Variants in DPYS observed in about 807,000 individuals in gnomAD.
DPYS encodes dihydropyrimidine amidohydrolase.
DPYS carries 39 observed loss-of-function variants against 50.3 expected under a neutral mutation model. The ratio of observed to expected loss-of-function variants is 0.78; its 90% CI spans 0.60 to 1.01. The LOEUF is 1.01. DPYS is among the 50% of genes least tolerant of loss of function. The pLI is 0.00. For synonymous variants in DPYS, 245 were observed against 250.7 expected (o/e 0.98, Z 0.22); for missense variants, 659 against 680.9 (o/e 0.97, Z 0.36).
rs182926301 is a variant in DPYS, at chr8:104,435,071, G to A, written c.794-5370C>T. ...ATGAGCCTACAGGTTCTACTGGGAAGTACAAAGGTGAAGTGAACAATGCAT... is the reference window on the plus strand; with the variant it reads ...ATGAGCCTACAGGTTCTACTGGGAAATACAAAGGTGAAGTGAACAATGCAT... On this transcript the variant is annotated intron_variant, in intron 4 of 9. Transcript: ENST00000351513. Among the ~76,000 whole-genome samples the A allele has an allele frequency of 1.1e-3, 171 of 152,296 alleles. 1 individual carries two copies. Among genetic ancestry groups the A allele is most frequent in the Admixed American group, 0.01 (160 of 15,296 alleles).
intron 7 of DPYS, among the ~76,000 whole-genome samples, chr8:104,393,756 A>T (rs1404472432): frequency 6.6e-6 from 1 of 152,208 alleles, no homozygotes. Flanking sequence ...AAAAGAAAAA[A>T]ATCTGGCAGC....
rs144144705 is a variant in DPYS, at chr8:104,435,759, T to C, written c.794-6058A>G. The stretch of plus-strand genomic sequence containing the variant: ...GGATGCACTGAATATTGCCCACCTC[T>C]TCTTTCCCAGTTCACAAAAAAATCC... On this transcript the variant is annotated intron_variant, in intron 4 of 9. Transcript: ENST00000351513. Among the ~76,000 whole-genome samples the C allele has an allele frequency of 2.8e-3, 429 of 152,254 alleles. 2 individuals are homozygous for C. Among genetic ancestry groups the C allele is most frequent in the Middle Eastern group, 0.017 (5 of 294 alleles).
At chr8:104,432,598 T>C (rs1199879844) in intron 4 of DPYS, among the ~76,000 whole-genome samples, 2 of 152,156 alleles carry the variant, frequency 1.3e-5, no homozygotes, top group Non-Finnish European at 2.9e-5. Context: ...AAACATTACA[T>C]TTACAAAGGA....
intron 4 of DPYS, among the ~76,000 whole-genome samples, chr8:104,442,306 A>G (rs1813382536): frequency 6.6e-6 from 1 of 152,222 alleles, no homozygotes; most frequent in East Asian, 1.9e-4. Flanking sequence ...ATTCTATCCC[A>G]ATGCAAAACA....
chr8:104,453,415 C>A (rs1193554149), intron 1 of DPYS, among the ~76,000 whole-genome samples: 1 of 152,196 alleles, frequency 6.6e-6, no homozygotes, highest in Non-Finnish European at 1.5e-5. Flanking sequence ...GACAAGACAT[C>A]CCTTGAGGAT....
intron 1 of DPYS, among the ~76,000 whole-genome samples, chr8:104,461,305 A>AAAATAAAATG (rs1814157254): frequency 6.7e-6 from 1 of 149,132 alleles, no homozygotes; most frequent in Non-Finnish European, 1.5e-5. Flanking sequence ...AAAATAAAAT[A>AAAATAAAATG]AAATAAAATA....
At chr8:104,447,604 A>G in intron 2 of DPYS, 101 bp from the exon 3 acceptor site, 1 of 1,312,194 alleles carries the variant, frequency 7.6e-7, no homozygotes, top group African/African-American at 1.5e-5. Context: ...ACTAAGTAAA[A>G]TAAGGAAAAT....
At position 104,401,089 on chromosome 8, in the gene DPYS, C is replaced by T. The variant is rs574503084; in HGVS notation, c.1236-8098G>A. Among the ~76,000 whole-genome samples the T allele has an allele frequency of 4.6e-5, 7 of 152,136 alleles. No homozygotes were observed. In the East Asian group the frequency reaches 7.7e-4, roughly 17 times the overall value. On this transcript the variant is annotated intron_variant, in intron 7 of 9. Coordinates refer to ENST00000351513, the MANE Select transcript of DPYS (RefSeq NM_001385.3). ...TGTTTTAGGTATTCTGTTATATTCTCTCCCACTCAGGCACTTTGGCCTTGG... is the reference window on the plus strand; with the variant it reads ...TGTTTTAGGTATTCTGTTATATTCTTTCCCACTCAGGCACTTTGGCCTTGG...
intron 7 of DPYS, among the ~76,000 whole-genome samples, chr8:104,395,469 C>T (rs77339795): frequency 0.013 from 1,981 of 152,298 alleles, 54 homozygotes; most frequent in African/African-American, 0.045. Flanking sequence ...TAGTCACGCC[C>T]TCCCCCAATC....
At chr8:104,451,475 A>G in intron 1 of DPYS, 71 bp from the exon 2 acceptor site, 2 of 1,599,368 alleles carry the variant, frequency 1.3e-6, no homozygotes, top group Non-Finnish European at 1.7e-6. Flanking sequence ...ATCTTGAACA[A>G]TGTGCATTTG....
At chr8:104,392,751 A>T in intron 8 of DPYS, 33 bp downstream of exon 8, 1 of 1,612,688 alleles carries the variant, frequency 6.2e-7, no homozygotes, top group South Asian at 1.1e-5. Flanking sequence ...AGACAGTCCG[A>T]CTTGTGGCAG....
chr8:104,392,871 C>A lies in DPYS; in HGVS notation c.1356G>T (p.Val452=). The change falls in exon 8 of 10, where the codon GTG becomes GTT. Residue 452 remains valine, a synonymous_variant. Transcript: ENST00000351513. ...TCCCATCTCCTGCCGTGACACTGAA[C>A]ACTCCGGCTTCATATACCACTTTGC... The part of the protein sequence containing the change: ...SRGKVVYEAG[V]FSVTAGDGKF... 2.5e-6 allele frequency: 4 copies of A among 1,614,206 alleles called. No individual in the cohort carries two copies. In the Admixed American group the frequency reaches 6.7e-5, roughly 27 times the overall value.
intron 7 of DPYS, among the ~76,000 whole-genome samples, chr8:104,409,206 C>T (rs1039187175): frequency 1.3e-5 from 2 of 151,598 alleles, no homozygotes; most frequent in African/African-American, 2.4e-5. Context: ...TGTGCAGGGC[C>T]GGGCACAGTG....
intron 2 of DPYS, among the ~76,000 whole-genome samples, chr8:104,449,986 T>G (rs1402096324): frequency 6.6e-6 from 1 of 152,196 alleles, no homozygotes; most frequent in Admixed American, 6.5e-5. Context: ...GAATCTGCAA[T>G]CTGCATTTTA....
chr8:104,465,054 G>A (rs980575355), intron 1 of DPYS, among the ~76,000 whole-genome samples: 1 of 152,182 alleles, frequency 6.6e-6, no homozygotes, highest in Non-Finnish European at 1.5e-5. Flanking sequence ...TGAGCAGCCT[G>A]CCCAGATCCT....
At chr8:104,431,742 C>T (rs149343379) in intron 4 of DPYS, among the ~76,000 whole-genome samples, 11 of 152,256 alleles carry the variant, frequency 7.2e-5, no homozygotes, top group Admixed American at 3.9e-4. Flanking sequence ...ACCTTCATAG[C>T]CGCCTTCATG....
Position 104,428,130 on chromosome 8 carries a change from G to T in DPYS, c.951-9C>A. 6.2e-7 allele frequency: 1 copy of T among 1,614,092 alleles called. No homozygotes were observed. Among genetic ancestry groups the T allele is most frequent in the Non-Finnish European group, 8.5e-7 (1 of 1,179,976 alleles). On this transcript the variant is annotated splice_polypyrimidine_tract_variant and intron_variant, in intron 5 of 9. Coordinates refer to ENST00000351513, the MANE Select transcript of DPYS (RefSeq NM_001385.3). ...TTGTGGTTAGATCATCACTGTAAAA[G>T]AAAAAACACGAGAGTGATGGGGTGA...
Position 104,424,290 on chromosome 8 carries a change from C to A in DPYS, c.1192G>T (p.Gly398Ter). The A allele has an allele frequency of 6.2e-7, 1 of 1,614,134 alleles. No individual in the cohort carries two copies. The highest frequency in any genetic ancestry group is 8.5e-7 in the Non-Finnish European group (1 of 1,180,010). Reference protein sequence around the residue: ...LYPRKGRIAVGSDADIVIWDP... With the variant: ...LYPRKGRIAV Reference sequence around the variant, plus strand: ...CAAATAACAATGTCAGCATCTGATCCTACAGCTATTCTTCCTTTTCTTGGA... The same window carrying A: ...CAAATAACAATGTCAGCATCTGATCATACAGCTATTCTTCCTTTTCTTGGA... The change falls in exon 7 of 10, where the codon GGA becomes TGA. Residue 398 changes from glycine to a stop codon, truncating the protein, a stop_gained. Coordinates refer to ENST00000351513, the MANE Select transcript of DPYS (RefSeq NM_001385.3). LOFTEE classifies it high-confidence loss of function.
chr8:104,380,955 A>C (rs1588390106), intron 9 of DPYS: 1 of 473,648 alleles, frequency 2.1e-6, no homozygotes, highest in East Asian at 4.2e-5. Context: ...GCTGTATTGA[A>C]TGTTTCCTAA....
Sources: allele counts gnomAD v4.1 joint callset (sites outside exome capture counted in the v4.1 genomes callset), GRCh38; gene constraint gnomAD v4.1.1; transcripts MANE v1.5; gene names NCBI Gene and HGNC (gene_info 2026-07-23, HGNC 2026-07-21).